CUL3: variants seen among roughly 807,000 people sequenced by gnomAD.
The protein encoded by CUL3 is cullin-3.
Under a neutral mutation model 89.1 loss-of-function variants are expected in CUL3, and 19 were observed. That is an observed-to-expected ratio of 0.21 (90% CI 0.15 to 0.31). CUL3 has a LOEUF of 0.31. CUL3 is among the 10% of genes least tolerant of loss of function. The pLI is 1.00. For missense variants in CUL3, 469 were observed against 942.3 expected (o/e 0.50, Z 6.58); for synonymous variants, 351 against 308.4 (o/e 1.14, Z -1.45).
At position 224,471,584 on chromosome 2, in the gene CUL3, C is replaced by A; in HGVS notation, c.*2661G>T. ...TTGGGGGTTTGATAGTACATAATTA[C>A]AATGCTACACAGGTGACTCTAGCAT... On this transcript the variant is annotated 3_prime_UTR_variant, in exon 16 of 16. Coordinates refer to ENST00000264414, the MANE Select transcript of CUL3 (RefSeq NM_003590.5). 5.0e-6 allele frequency: 1 copy of A among 201,360 alleles called. No individual in the cohort carries two copies. The highest frequency in any genetic ancestry group is 7.7e-5 in the East Asian group (1 of 12,976). The allele number at this position is 201,360 out of a possible 1,614,324, so 12.5% of individuals were successfully genotyped here. A position where few individuals can be genotyped will look rare whatever the true frequency, so the allele number is the denominator to read the frequency against.
At chr2:224,513,037 G>A (rs975492508) in intron 5 of CUL3, among the ~76,000 whole-genome samples, 1 of 152,140 alleles carries the variant, frequency 6.6e-6, no homozygotes, top group African/African-American at 2.4e-5. Flanking sequence ...TCCACTTAGT[G>A]AACAGTAAAT....
At chr2:224,538,899 T>C (rs1441142216) in intron 2 of CUL3, among the ~76,000 whole-genome samples, 1 of 152,058 alleles carries the variant, frequency 6.6e-6, no homozygotes, top group Non-Finnish European at 1.5e-5. Context: ...TACGATGCAG[T>C]AGTGTGTCCG....
In CUL3 at chr2:224,585,125, CGGGCAGGGCTGGGGAGCTGGCCGGCCCCT is replaced by C; in HGVS notation, c.-145_-117del. The C allele has an allele frequency of 1.3e-6, 1 of 755,722 alleles. No homozygotes were observed. Among genetic ancestry groups the C allele is most frequent in the African/African-American group, 1.9e-5 (1 of 51,760 alleles). The allele number at this position is 755,722 out of a possible 1,614,324, so 46.8% of individuals were successfully genotyped here. On this transcript the variant is annotated 5_prime_UTR_variant, in exon 1 of 16. Transcript: ENST00000264414. Reference sequence around the variant, plus strand: ...CTGGGGGCGGCGGCGGCGCGACCCCCGGGCAGGGCTGGGGAGCTGGCCGGCCCCTGGGCAGCCGCGGCGGCGGCGGGGGC... The same window carrying C: ...CTGGGGGCGGCGGCGGCGCGACCCCCGGGCAGCCGCGGCGGCGGCGGGGGC...
At chr2:224,538,348 G>A (rs915776465) in intron 2 of CUL3, among the ~76,000 whole-genome samples, 2 of 152,136 alleles carry the variant, frequency 1.3e-5, no homozygotes, top group Non-Finnish European at 2.9e-5. Context: ...TGAAGATTAT[G>A]AAGATTAAAA....
chr2:224,510,851 C>T (rs1433927488), intron 6 of CUL3, among the ~76,000 whole-genome samples: 2 of 152,114 alleles, frequency 1.3e-5, no homozygotes, highest in Non-Finnish European at 2.9e-5. Flanking sequence ...TCAGTGTTCC[C>T]CAAACCAATC....
chr2:224,525,372 G>A (rs3912999), intron 3 of CUL3, among the ~76,000 whole-genome samples: 113,894 of 152,100 alleles, frequency 0.75, 43,298 homozygotes, highest in African/African-American at 0.9. Context: ...TGATTTTGGC[G>A]GGTTAATCTC....
intron 2 of CUL3, among the ~76,000 whole-genome samples, chr2:224,543,915 G>A (rs1225614147): frequency 3.9e-5 from 6 of 151,914 alleles, no homozygotes; most frequent in African/African-American, 1.2e-4. Context: ...AGCCCAGGAG[G>A]TGGAAGCTGC....
intron 8 of CUL3, 135 bp from the exon 9 acceptor site, chr2:224,503,957 C>T (rs945899034): frequency 9.4e-6 from 6 of 639,608 alleles, no homozygotes; most frequent in Non-Finnish European, 1.5e-5. Flanking sequence ...AAAAGGGATA[C>T]GGTTTGAGAA....
intron 4 of CUL3, 27 bp from the exon 5 acceptor site, chr2:224,513,665 A>G: frequency 7.2e-7 from 1 of 1,398,284 alleles, no homozygotes; most frequent in Non-Finnish European, 9.8e-7. Flanking sequence ...TTATCACTTG[A>G]TAATTAAATT....
chr2:224,482,960 G>C (rs562846982), intron 13 of CUL3, among the ~76,000 whole-genome samples: 1 of 152,144 alleles, frequency 6.6e-6, no homozygotes, highest in East Asian at 1.9e-4. Context: ...CAGATTATAC[G>C]AGTAACTGAT....
rs866698422 is a variant in CUL3, at chr2:224,542,495, T to G, written c.265-6854A>C. On this transcript the variant is annotated intron_variant, in intron 2 of 15. Coordinates refer to ENST00000264414, the MANE Select transcript of CUL3 (RefSeq NM_003590.5). ...AGCACGCGCCAGCACTTCTGGCTTT[T>G]TGTGTGTGTGTGTGTGTGTATGTGT... 6.4e-3 allele frequency among the ~76,000 whole-genome samples: 964 copies of G among 150,326 alleles called. 25 individuals are homozygous for G. Among genetic ancestry groups the G allele is most frequent in the Admixed American group, 0.048 (733 of 15,130 alleles).
intron 1 of CUL3, among the ~76,000 whole-genome samples, chr2:224,572,780 C>T (rs150759231): frequency 6.6e-6 from 1 of 152,150 alleles, no homozygotes; most frequent in Non-Finnish European, 1.5e-5. Context: ...TGTGCAGATA[C>T]AGGATTCGTC....
intron 3 of CUL3, among the ~76,000 whole-genome samples, chr2:224,529,898 T>C (rs1046145880): frequency 1.2e-4 from 19 of 152,178 alleles, no homozygotes; most frequent in African/African-American, 2.7e-4. Context: ...GTGTGTCCCA[T>C]AGTTTAATGC....
intron 2 of CUL3, among the ~76,000 whole-genome samples, chr2:224,538,792 GC>G (rs1214963561): frequency 6.6e-6 from 1 of 152,212 alleles, no homozygotes. Context: ...CCTGGTACTA[GC>G]TTTGCAAAGG....
chr2:224,554,550 C>T (rs889953310), intron 2 of CUL3, among the ~76,000 whole-genome samples: 10 of 152,248 alleles, frequency 6.6e-5, no homozygotes, highest in African/African-American at 1.9e-4. Flanking sequence ...CCGGCTAGGC[C>T]ACTTAACAGC....
chr2:224,584,476 C>CAG (rs1373269840), intron 1 of CUL3, among the ~76,000 whole-genome samples: 1 of 151,944 alleles, frequency 6.6e-6, no homozygotes, highest in Non-Finnish European at 1.5e-5. Flanking sequence ...GGGAGGGGGG[C>CAG]AGAGAGAGAG....
intron 12 of CUL3, among the ~76,000 whole-genome samples, chr2:224,497,082 T>C (rs1281716653): frequency 1.3e-5 from 2 of 152,184 alleles, no homozygotes; most frequent in African/African-American, 4.8e-5. Flanking sequence ...TGATTCATCA[T>C]ACCAAACTAG....
intron 2 of CUL3, among the ~76,000 whole-genome samples, chr2:224,539,951 T>C (rs72972401): frequency 0.29 from 43,504 of 151,770 alleles, 6,556 homozygotes; most frequent in Middle Eastern, 0.41. Flanking sequence ...GGTTCATCAA[T>C]TGTAATAAAT....
chr2:224,535,001 A>AAAATAAATAAATAAATAAATAAAT (rs201253756), intron 3 of CUL3, among the ~76,000 whole-genome samples: 1 of 133,160 alleles, frequency 7.5e-6, no homozygotes, highest in Non-Finnish European at 1.6e-5. Context: ...ACCCCGTCTC[A>AAAATAAATAAATAAATAAATAAAT]AAATAAATAA....
Sources: gnomAD v4.1 joint callset for allele counts (sites outside exome capture counted in the v4.1 genomes callset) on GRCh38, gnomAD v4.1.1 for gene constraint, MANE v1.5 for transcripts, NCBI Gene and HGNC (gene_info 2026-07-23, HGNC 2026-07-21) for gene names.